The following ZNF679 variants were observed in gnomAD, a reference collection of about 807,000 sequenced individuals.
The protein encoded by ZNF679 is hypothetical protein MGC42415.
Under a neutral mutation model 13.4 loss-of-function variants are expected in ZNF679, and 10 were observed. The observed-to-expected ratio is 0.75, with a 90% CI of 0.46 to 1.27. ZNF679 has a LOEUF of 1.27. ZNF679 is among the 50% of genes most tolerant of loss of function. ZNF679 has a pLI of 0.00. For missense variants in ZNF679, 525 were observed against 477.8 expected, an observed-to-expected ratio of 1.10 and a Z score of -0.92; for synonymous variants, 179 against 162.5, an observed-to-expected ratio of 1.10 and a Z score of -0.77.
intron 1 of ZNF679, among the ~76,000 whole-genome samples, chr7:64,235,157 T>C (rs1562839360): frequency 6.6e-6 from 1 of 152,072 alleles, no homozygotes; most frequent in East Asian, 1.9e-4. Context: ...TTTTAAATTA[T>C]AATTTAATAA....
chr7:64,256,887 G>A (rs1489875309), intron 2 of ZNF679, among the ~76,000 whole-genome samples: 7 of 152,012 alleles, frequency 4.6e-5, no homozygotes, highest in Admixed American at 2.6e-4. Context: ...TACTAGAGAC[G>A]GGATTTCACC....
rs1787723349 is a variant in ZNF679 at position 64,236,918 on chromosome 7, GAAAGAAGAAAGAAAGAAAGA to G, written c.-91+8269_-91+8288del. ...AAAGAAAAAGAAAAAAAGAAAGAAA[GAAAGAAGAAAGAAAGAAAGA>G]AAGAAAGAAAGAAAGAAAGAAAGAA... On this transcript the variant is annotated intron_variant, in intron 1 of 4. Coordinates refer to ENST00000421025, the MANE Select transcript of ZNF679 (RefSeq NM_153363.3). Among the ~76,000 whole-genome samples, 10 of 99,204 alleles carry G rather than the reference GAAAGAAGAAAGAAAGAAAGA, an allele frequency of 1.0e-4. No homozygotes were observed. In the South Asian group the frequency reaches 2.6e-3, roughly 26 times the overall value. The allele number at this position is 99,204 out of a possible 152,430, so 65.1% of individuals were successfully genotyped here.
Position 64,266,808 on chromosome 7 carries a change from C to A in ZNF679, c.1175C>A (p.Ser392Tyr), listed in dbSNP as rs762573577. ...CEECDKAFKW[S>Y]SSLANHKSMH... is the part of the protein sequence containing the mutation. ...GAATGTGACAAAGCTTTTAAGTGGT[C>A]CTCAAGTCTTGCTAATCATAAGAGT... Residue 392 changes from serine to tyrosine, a missense_variant, in exon 5 of 5, where the codon TCC becomes TAC. Physicochemically the swap from Ser to Tyr is moderately radical, Grantham distance 144. Coordinates refer to ENST00000421025, the MANE Select transcript of ZNF679 (RefSeq NM_153363.3). The A allele has an allele frequency of 1.2e-6, 2 of 1,604,294 alleles. No homozygotes were observed. The highest frequency in any genetic ancestry group is 1.7e-6 in the Non-Finnish European group (2 of 1,174,784).
intron 2 of ZNF679, among the ~76,000 whole-genome samples, chr7:64,252,978 C>T (rs1787961679): frequency 6.6e-6 from 1 of 152,144 alleles, no homozygotes; most frequent in African/African-American, 2.4e-5. Context: ...TGGGCCTCTC[C>T]AAATGCTGGG....
intron 1 of ZNF679, among the ~76,000 whole-genome samples, chr7:64,243,811 A>T (rs1019819211): frequency 1.3e-5 from 2 of 152,242 alleles, no homozygotes; most frequent in African/African-American, 4.8e-5. Flanking sequence ...AGGTCCAGAG[A>T]TAAAATTTAC....
chr7:64,261,095 C>T (rs1353648018), intron 4 of ZNF679, among the ~76,000 whole-genome samples, 166 bp downstream of exon 4: 1 of 152,040 alleles, frequency 6.6e-6, no homozygotes, highest in East Asian at 1.9e-4. Flanking sequence ...ATACCTTCTG[C>T]CCCATGCTTT....
chr7:64,248,243 A>G (rs1202847044), intron 1 of ZNF679, among the ~76,000 whole-genome samples: 1 of 151,824 alleles, frequency 6.6e-6, no homozygotes, highest in Non-Finnish European at 1.5e-5. Context: ...TAATAATCCA[A>G]TCACCTCCCA....
intron 1 of ZNF679, among the ~76,000 whole-genome samples, chr7:64,236,807 A>G (rs1787718377): frequency 6.6e-6 from 1 of 151,380 alleles, no homozygotes; most frequent in Admixed American, 6.6e-5. Flanking sequence ...GGAAAGAAAA[A>G]GAAAGAAAGA....
At chr7:64,236,937 G>GA (rs1301239387) in intron 1 of ZNF679, among the ~76,000 whole-genome samples, 1 of 32,486 alleles carries the variant, frequency 3.1e-5, no homozygotes, top group Non-Finnish European at 5.7e-5. Context: ...AAGAAAGAAA[G>GA]AAAGAAAGAA....
chr7:64,245,920 C>T (rs1047717583), intron 1 of ZNF679, among the ~76,000 whole-genome samples: 5 of 152,126 alleles, frequency 3.3e-5, no homozygotes, highest in South Asian at 4.1e-4. Flanking sequence ...GCAGGAGAAT[C>T]GCTTGAACCT....
chr7:64,255,605 T>C (rs56210558), intron 2 of ZNF679, among the ~76,000 whole-genome samples: 57,134 of 130,632 alleles, frequency 0.44, 12,621 homozygotes, highest in East Asian at 0.83. Context: ...TTCCCACCCA[T>C]GATTTTTTTT....
At chr7:64,237,621 C>A (rs1183165882) in intron 1 of ZNF679, among the ~76,000 whole-genome samples, 1 of 152,172 alleles carries the variant, frequency 6.6e-6, no homozygotes, top group East Asian at 1.9e-4. Flanking sequence ...TCAACACCAA[C>A]TGGGTGTTCA....
At chr7:64,245,568 T>C (rs916742574) in intron 1 of ZNF679, among the ~76,000 whole-genome samples, 9 of 152,092 alleles carry the variant, frequency 5.9e-5, no homozygotes, top group Admixed American at 2.0e-4. Context: ...TGATCTCTTG[T>C]TGGTTGTGAA....
At chr7:64,257,902 C>A (rs1438236977) in intron 2 of ZNF679, among the ~76,000 whole-genome samples, 1 of 152,142 alleles carries the variant, frequency 6.6e-6, no homozygotes, top group Non-Finnish European at 1.5e-5. Flanking sequence ...TTCCTGGACC[C>A]TTTTGGGTCC....
In ZNF679 at chr7:64,230,446, T is replaced by C. The variant is rs376179674; in HGVS notation, c.-91+1794T>C. On this transcript the variant is annotated intron_variant, in intron 1 of 4. Transcript: ENST00000421025. ...TACTGGGGAGGCTGAGGCAGGAGAA[T>C]GGCGTGAACCCGGGAAGCGGAGCTT... Among the ~76,000 whole-genome samples the C allele has an allele frequency of 3.8e-3, 564 of 147,800 alleles. 7 individuals are homozygous for C. Among genetic ancestry groups the C allele is most frequent in the African/African-American group, 0.014 (546 of 39,740 alleles).
At chr7:64,258,868 T>G (rs1006664273) in intron 2 of ZNF679, among the ~76,000 whole-genome samples, 52 of 151,256 alleles carry the variant, frequency 3.4e-4, no homozygotes, top group Non-Finnish European at 2.9e-5. Flanking sequence ...AATTTTTCTA[T>G]ATAGCATAGT....
At chr7:64,233,747 T>C (rs1000508942) in intron 1 of ZNF679, among the ~76,000 whole-genome samples, 3 of 152,154 alleles carry the variant, frequency 2.0e-5, no homozygotes, top group African/African-American at 7.2e-5. Flanking sequence ...TGGTCTTGAT[T>C]TAAGGATTTA....
chr7:64,232,316 C>A (rs973947342), intron 1 of ZNF679, among the ~76,000 whole-genome samples: 3 of 152,212 alleles, frequency 2.0e-5, no homozygotes, highest in African/African-American at 7.2e-5. Context: ...TTGTACCACC[C>A]AAGGTCTTTG....
chr7:64,251,326 C>T (rs1176095785), intron 2 of ZNF679, among the ~76,000 whole-genome samples: 37 of 151,972 alleles, frequency 2.4e-4, no homozygotes, highest in Non-Finnish European at 1.0e-4. Flanking sequence ...TGGTGGTGGG[C>T]GCCTCTAATC....
Sources: allele counts gnomAD v4.1 joint callset (sites outside exome capture counted in the v4.1 genomes callset), GRCh38; gene constraint gnomAD v4.1.1; transcripts MANE v1.5; gene names NCBI Gene and HGNC (gene_info 2026-07-23, HGNC 2026-07-21).